Variants in DLG1 observed in about 807,000 individuals in gnomAD.
DLG1 encodes the protein discs large MAGUK scaffold protein 1, also known as disks large homolog 1.
In DLG1, 42 loss-of-function variants were observed where a neutral mutation model predicts 123.4. That is an observed-to-expected ratio of 0.34 (90% CI 0.27 to 0.44). The LOEUF (loss-of-function observed/expected upper bound fraction) is 0.44. Among genes scored for constraint, DLG1 ranks in the 20% least tolerant of loss-of-function variants. The pLI, the probability that DLG1 is intolerant of heterozygous loss-of-function variation, is 1.00. For missense variants in DLG1, 942 were observed against 1,082.6 expected, an observed-to-expected ratio of 0.87 and a Z score of 1.82; for synonymous variants, 317 against 356.2, an observed-to-expected ratio of 0.89 and a Z score of 1.24.
intron 15 of DLG1, among the ~76,000 whole-genome samples, chr3:197,086,481 C>T (rs899878658): frequency 1.1e-4 from 17 of 152,134 alleles, no homozygotes; most frequent in African/African-American, 3.9e-4. Context: ...GAAAGGATCA[C>T]AGCAATTACA....
rs1326854738 is a variant in DLG1, at chr3:197,051,602, T to G, written c.2550A>C (p.Glu850Asp). 6.2e-7 allele frequency: 1 copy of G among 1,613,996 alleles called. No homozygotes were observed. The highest frequency in any genetic ancestry group is 8.5e-7 in the Non-Finnish European group (1 of 1,179,866). ...CTGTGAAATGTTCAGTAAACTCCTGTTCCAGTTTCATGGCTCTCTCAAATG... is the reference window on the plus strand; with the variant it reads ...CTGTGAAATGTTCAGTAAACTCCTGGTCCAGTTTCATGGCTCTCTCAAATG... ...RKTFERAMKL[E>D]QEFTEHFTAI... Residue 850 changes from glutamate (E) to aspartate (D), a missense_variant, in exon 24 of 25, where the codon GAA becomes GAC. By Grantham distance (45) the Glu-to-Asp change is conservative. Transcript: ENST00000667157.
intron 24 of DLG1, among the ~76,000 whole-genome samples, chr3:197,048,797 A>G (rs1177977945): frequency 1.3e-5 from 2 of 152,104 alleles, no homozygotes; most frequent in African/African-American, 2.4e-5. Context: ...TTGGGATTAC[A>G]GGCATGCACC....
At chr3:197,105,073 T>C (rs903029951) in intron 13 of DLG1, 68 bp from the exon 14 acceptor site, 2 of 1,011,092 alleles carry the variant, frequency 2.0e-6, no homozygotes, top group Non-Finnish European at 3.0e-6. Context: ...CAATAGTCTA[T>C]TCTTTGAGTA....
At position 197,209,475 on chromosome 3, in the gene DLG1, A is replaced by G. The variant is rs1578111480; in HGVS notation, c.319-14886T>C. Among the ~76,000 whole-genome samples, 2 of 146,734 alleles carry G rather than the reference A, an allele frequency of 1.4e-5. 1 individual carries two copies. Among genetic ancestry groups the G allele is most frequent in the South Asian group, 5.1e-4 (2 of 3,930 alleles). On this transcript the variant is annotated intron_variant, in intron 4 of 24. Transcript: ENST00000667157. ...AAACTCCTTGATTAGCAACTGATAG[A>G]ACTATACAAATATAAGACAAATTGA... is the stretch of plus-strand genomic sequence containing the variant.
intron 7 of DLG1, among the ~76,000 whole-genome samples, chr3:197,142,032 T>G (rs1386068632): frequency 6.6e-6 from 1 of 152,154 alleles, no homozygotes; most frequent in Non-Finnish European, 1.5e-5. Context: ...TAAGAAAATT[T>G]GCACATCTGA....
intron 5 of DLG1, among the ~76,000 whole-genome samples, chr3:197,157,351 C>T (rs940533533): frequency 5.3e-5 from 8 of 152,114 alleles, no homozygotes; most frequent in African/African-American, 1.4e-4. Flanking sequence ...AAAGTCAATA[C>T]ACAAAAATCA....
chr3:197,295,553 G>A (rs1777021097), intron 3 of DLG1, among the ~76,000 whole-genome samples: 1 of 151,628 alleles, frequency 6.6e-6, no homozygotes, highest in Non-Finnish European at 1.5e-5. Context: ...CAAACTTTTT[G>A]AGGTACCTGG....
intron 5 of DLG1, chr3:197,183,485 C>G: frequency 8.2e-7 from 1 of 1,214,244 alleles, no homozygotes; most frequent in Non-Finnish European, 1.1e-6. Flanking sequence ...CAAGGCTATT[C>G]TTTAAATAAA....
chr3:197,220,118 C>T (rs985613443), intron 4 of DLG1, among the ~76,000 whole-genome samples: 3 of 152,284 alleles, frequency 2.0e-5, no homozygotes, highest in Admixed American at 6.5e-5. Flanking sequence ...AAATGCCTTA[C>T]GGGCAGATTT....
intron 4 of DLG1, among the ~76,000 whole-genome samples, chr3:197,222,799 A>T (rs1031849676): frequency 2.6e-5 from 4 of 152,224 alleles, no homozygotes; most frequent in Non-Finnish European, 5.9e-5. Context: ...GGATTCTCTC[A>T]CTTCAATTAC....
intron 14 of DLG1, among the ~76,000 whole-genome samples, chr3:197,100,358 G>C (rs924897239): frequency 6.6e-6 from 1 of 152,116 alleles, no homozygotes; most frequent in African/African-American, 2.4e-5. Context: ...AGTGACTATG[G>C]CCTAACCTCT....
chr3:197,188,996 AC>A (rs1477382093), intron 5 of DLG1, among the ~76,000 whole-genome samples: 2 of 152,228 alleles, frequency 1.3e-5, no homozygotes, highest in African/African-American at 4.8e-5. Context: ...TGCCACAGTA[AC>A]CTAGGAATGA....
Position 197,069,266 on chromosome 3 carries a change from A to G in DLG1, c.2006-6T>C. The G allele has an allele frequency of 1.9e-6, 3 of 1,580,992 alleles. No individual in the cohort carries two copies. Among genetic ancestry groups the G allele is most frequent in the East Asian group, 2.3e-5 (1 of 43,336 alleles). On this transcript the variant is annotated splice_region_variant and splice_polypyrimidine_tract_variant and intron_variant, in intron 18 of 24. Transcript: ENST00000667157. ...GGCATTAGAAGTTACATGCTCTGAA[A>G]TTGCAGGACAATGAAAAAAAATAAA...
chr3:197,127,926 C>G (rs1275138432), intron 11 of DLG1, among the ~76,000 whole-genome samples: 2 of 151,624 alleles, frequency 1.3e-5, no homozygotes, highest in Non-Finnish European at 2.9e-5. Context: ...AAAAAAAAAC[C>G]GCTAGCAATC....
In DLG1 at chr3:197,195,811, C is replaced by T. The variant is rs140744083; in HGVS notation, c.319-1222G>A. Among the ~76,000 whole-genome samples, 50 of 105,334 alleles carry T rather than the reference C, an allele frequency of 4.7e-4. 1 individual carries two copies. Among genetic ancestry groups the T allele is most frequent in the Admixed American group, 2.4e-3 (25 of 10,298 alleles). The allele number at this position is 105,334 out of a possible 152,430, so 69.1% of individuals were successfully genotyped here. A position where few individuals can be genotyped will look rare whatever the true frequency, so the allele number is the denominator to read the frequency against. ...TACCTTGGTGACAGGATCATTCCTA[C>T]GCCAAGCCTCAGTGACACCAATTTA... On this transcript the variant is annotated intron_variant, in intron 4 of 24. Coordinates refer to ENST00000667157, the MANE Select transcript of DLG1 (RefSeq NM_001366207.1).
chr3:197,105,311 C>T (rs888574565), intron 13 of DLG1, among the ~76,000 whole-genome samples: 1 of 152,090 alleles, frequency 6.6e-6, no homozygotes, highest in African/African-American at 2.4e-5. Flanking sequence ...CCTGAAAAAT[C>T]AAGTGGCATC....
At chr3:197,070,054 G>C (rs1196149742) in intron 18 of DLG1, 1 of 152,032 alleles carries the variant, frequency 6.6e-6, no homozygotes, top group African/African-American at 2.4e-5. Context: ...CCTTAAAAGT[G>C]ACTCCATTTC....
chr3:197,284,659 C>T (rs761804296), intron 3 of DLG1, among the ~76,000 whole-genome samples: 3 of 151,942 alleles, frequency 2.0e-5, no homozygotes, highest in East Asian at 1.9e-4. Flanking sequence ...TACTACCCTG[C>T]GAAAAATTAT....
At chr3:197,219,389 GATTT>G in intron 4 of DLG1, among the ~76,000 whole-genome samples, 1 of 152,232 alleles carries the variant, frequency 6.6e-6, no homozygotes, top group South Asian at 2.1e-4. Flanking sequence ...TTGATGATAG[GATTT>G]GTTCAAACCT....
Sources: allele counts gnomAD v4.1 joint callset (sites outside exome capture counted in the v4.1 genomes callset), GRCh38; gene constraint gnomAD v4.1.1; transcripts MANE v1.5; gene names NCBI Gene and HGNC (gene_info 2026-07-23, HGNC 2026-07-21).